CTIF: variants seen among roughly 807,000 people sequenced by gnomAD.
CTIF encodes cap binding complex dependent translation initiation factor.
Under a neutral mutation model 66.0 loss-of-function variants are expected in CTIF, and 21 were observed. The ratio of observed to expected loss-of-function variants is 0.32; its 90% CI spans 0.23 to 0.46. CTIF has a LOEUF of 0.46. CTIF is among the 20% of genes least tolerant of loss of function. CTIF has a pLI of 1.00. For synonymous variants in CTIF, 345 were observed against 326.4 expected (o/e 1.06, Z -0.62); for missense variants, 739 against 812.7 (o/e 0.91, Z 1.10).
intron 9 of CTIF, among the ~76,000 whole-genome samples, chr18:48,803,136 C>G (rs1412879995): frequency 2.6e-5 from 4 of 152,222 alleles, no homozygotes; most frequent in Non-Finnish European, 5.9e-5. Context: ...GCCTACCTGA[C>G]CTGATTTTGC....
At chr18:48,794,401 G>C (rs982796597) in intron 9 of CTIF, among the ~76,000 whole-genome samples, 2 of 152,042 alleles carry the variant, frequency 1.3e-5, no homozygotes, top group African/African-American at 2.4e-5. Context: ...TCTGCAACTC[G>C]AGAGCTAAGG....
In CTIF at chr18:48,817,379, A is replaced by G. The variant is rs1171582196; in HGVS notation, c.1527+3A>G. 6.2e-7 allele frequency: 1 copy of G among 1,608,402 alleles called. No individual in the cohort carries two copies. The highest frequency in any genetic ancestry group is 8.5e-7 in the Non-Finnish European group (1 of 1,177,314). ...CCATCTACACCTGCCTCAGGGAGGTAAGAGACCTGCCGCCTGTGCCCCCTG... is the reference window on the plus strand; with the variant it reads ...CCATCTACACCTGCCTCAGGGAGGTGAGAGACCTGCCGCCTGTGCCCCCTG... On this transcript the variant is annotated splice_donor_region_variant and intron_variant, in intron 10 of 11. Transcript: ENST00000256413.
intron 1 of CTIF, among the ~76,000 whole-genome samples, chr18:48,561,106 G>A (rs1213242296): frequency 6.6e-6 from 1 of 152,098 alleles, no homozygotes; most frequent in Admixed American, 6.5e-5. Flanking sequence ...GGGTGTGGTA[G>A]CACATGCTAG....
chr18:48,754,384 T>C (rs1908135716), intron 7 of CTIF, among the ~76,000 whole-genome samples: 1 of 152,164 alleles, frequency 6.6e-6, no homozygotes, highest in South Asian at 2.1e-4. Flanking sequence ...GGTTGTCTTA[T>C]CTGTCGAATG....
chr18:48,642,910 C>T (rs2090960924), intron 3 of CTIF, among the ~76,000 whole-genome samples: 1 of 152,190 alleles, frequency 6.6e-6, no homozygotes, highest in African/African-American at 2.4e-5. Flanking sequence ...AGATACAACA[C>T]TTGTCACTTC....
intron 7 of CTIF, among the ~76,000 whole-genome samples, chr18:48,736,487 C>T (rs2092504643): frequency 6.6e-6 from 1 of 152,224 alleles, no homozygotes; most frequent in Non-Finnish European, 1.5e-5. Flanking sequence ...GAACGCTCCA[C>T]CCAGACTGCC....
intron 6 of CTIF, among the ~76,000 whole-genome samples, chr18:48,694,166 C>T (rs867787030): frequency 1.3e-4 from 20 of 152,336 alleles, no homozygotes; most frequent in African/African-American, 4.8e-4. Context: ...CTAGGGTGCC[C>T]GGCAGATGTT....
intron 1 of CTIF, among the ~76,000 whole-genome samples, chr18:48,555,086 CTT>C (rs958974182): frequency 2.0e-5 from 3 of 152,234 alleles, no homozygotes; most frequent in Non-Finnish European, 4.4e-5. Flanking sequence ...CTGTACATCT[CTT>C]TTATCAATGC....
intron 9 of CTIF, among the ~76,000 whole-genome samples, chr18:48,784,682 G>A (rs1191438695): frequency 6.6e-6 from 1 of 152,140 alleles, no homozygotes; most frequent in African/African-American, 2.4e-5. Flanking sequence ...AGAGGTGTGG[G>A]CAGCCTCAAC....
At chr18:48,622,358 T>G (rs2090511295) in intron 2 of CTIF, among the ~76,000 whole-genome samples, 1 of 151,574 alleles carries the variant, frequency 6.6e-6, no homozygotes, top group African/African-American at 2.4e-5. Flanking sequence ...AGGAGAGGGC[T>G]GGGTGTGAGC....
At chr18:48,735,212 A>T (rs1156983652) in intron 7 of CTIF, among the ~76,000 whole-genome samples, 1 of 152,136 alleles carries the variant, frequency 6.6e-6, no homozygotes, top group Non-Finnish European at 1.5e-5. Flanking sequence ...AGGAGGTGGA[A>T]CCTGATCCGT....
intron 3 of CTIF, among the ~76,000 whole-genome samples, chr18:48,639,059 A>AC (rs2090878643): frequency 6.6e-6 from 1 of 151,912 alleles, no homozygotes; most frequent in Non-Finnish European, 1.5e-5. Context: ...ACTGAGGGAC[A>AC]CCCCCTGCCA....
intron 9 of CTIF, among the ~76,000 whole-genome samples, chr18:48,772,198 G>A (rs1426326891): frequency 6.6e-6 from 1 of 152,220 alleles, no homozygotes; most frequent in African/African-American, 2.4e-5. Context: ...GCCTGCCCCA[G>A]TATTATAGCA....
At chr18:48,666,012 CT>C (rs2091430072) in intron 5 of CTIF, among the ~76,000 whole-genome samples, 1 of 152,194 alleles carries the variant, frequency 6.6e-6, no homozygotes, top group Non-Finnish European at 1.5e-5. Flanking sequence ...CTGTTGAACT[CT>C]TTGAGGAGCT....
intron 1 of CTIF, among the ~76,000 whole-genome samples, chr18:48,588,097 C>G (rs973276225): frequency 2.0e-5 from 3 of 152,192 alleles, no homozygotes; most frequent in African/African-American, 7.2e-5. Flanking sequence ...CTGAGCAACC[C>G]TTCGAGGACC....
intron 7 of CTIF, among the ~76,000 whole-genome samples, chr18:48,744,433 C>T (rs2092578817): frequency 6.6e-6 from 1 of 152,154 alleles, no homozygotes; most frequent in Non-Finnish European, 1.5e-5. Context: ...TTTTTAAAAA[C>T]TTTTGATTCT....
intron 2 of CTIF, among the ~76,000 whole-genome samples, chr18:48,626,536 A>G (rs1215340527): frequency 6.7e-6 from 1 of 149,160 alleles, no homozygotes; most frequent in East Asian, 2.0e-4. Flanking sequence ...TTTAGTAGAG[A>G]CGGAGTTTCA....
At chr18:48,569,153 T>C (rs1288142335) in intron 1 of CTIF, among the ~76,000 whole-genome samples, 1 of 152,168 alleles carries the variant, frequency 6.6e-6, no homozygotes, top group African/African-American at 2.4e-5. Context: ...CACTCTAAAG[T>C]CTTTTCTTCA....
chr18:48,610,308 A>G (rs574394342), intron 1 of CTIF, among the ~76,000 whole-genome samples: 77 of 152,246 alleles, frequency 5.1e-4, no homozygotes, highest in African/African-American at 1.8e-3. Context: ...GGAGGCTTCT[A>G]TGGGCTTTGG....
Sources: gnomAD v4.1 joint callset for allele counts (sites outside exome capture counted in the v4.1 genomes callset) on GRCh38, gnomAD v4.1.1 for gene constraint, MANE v1.5 for transcripts, NCBI Gene and HGNC (gene_info 2026-07-23, HGNC 2026-07-21) for gene names.